Variants in FN1 observed in about 807,000 individuals in gnomAD.
The protein encoded by FN1 is fibronectin 1.
FN1 carries 106 observed loss-of-function variants against 297.3 expected under a neutral mutation model. The observed-to-expected ratio is 0.36, with a 90% confidence interval of 0.30 to 0.42. FN1 has a LOEUF of 0.42. Among genes scored for constraint, FN1 ranks in the 10% least tolerant of loss-of-function variants. The probability of loss-of-function intolerance (pLI) is 1.00; values close to 1 mark genes in which losing one functional copy is unlikely to be tolerated. For missense variants in FN1, 2,690 were observed against 3,124.9 expected, an observed-to-expected ratio of 0.86 and a Z score of 3.32; for synonymous variants, 1,149 against 1,152.6, an observed-to-expected ratio of 1.00 and a Z score of 0.06.
intron 27 of FN1, 46 bp from the exon 28 acceptor site, chr2:215,387,004 C>A: frequency 1.9e-6 from 3 of 1,552,466 alleles, no homozygotes; most frequent in Non-Finnish European, 2.6e-6. Context: ...AAAGAAAAGA[C>A]ACCACCAGTT....
Position 215,408,094 on chromosome 2 carries a change from G to C in FN1, c.2518+14C>G. The stretch of plus-strand genomic sequence containing the variant: ...GATTAACATAGCAGCCAAAGAGGGG[G>C]ACGCTTAGCTGACCTGTGATGGGAG... On this transcript the variant is annotated intron_variant, in intron 17 of 45. Coordinates refer to ENST00000354785, the MANE Select transcript of FN1 (RefSeq NM_212482.4). 1 of 1,605,396 alleles carries C rather than the reference G, an allele frequency of 6.2e-7. No individual in the cohort carries two copies. The highest frequency in any genetic ancestry group is 8.5e-7 in the Non-Finnish European group (1 of 1,172,132).
In FN1 at chr2:215,384,908, C is replaced by A; in HGVS notation, c.4681G>T (p.Ala1561Ser). ...TPTSLLISWD[A>S]PAVTVRYYRI... is the part of the protein sequence containing the mutation. ...TAATATCTCACTGTGACAGCAGGAG[C>A]ATCCCAGCTGATCAGTAGGCTGGTG... Residue 1561 changes from alanine to serine, a missense_variant, in exon 29 of 46, where the codon GCT (alanine) becomes TCT (serine). Physicochemically the swap from Ala to Ser is moderately conservative, Grantham distance 99. Around this residue, in one of 3 missense-constraint regions of FN1, gnomAD observed 1,743 missense variants for 1,945.2 expected, o/e 0.90. Coordinates refer to ENST00000354785, the MANE Select transcript of FN1 (RefSeq NM_212482.4). The A allele has an allele frequency of 6.2e-7, 1 of 1,613,768 alleles. No individual in the cohort carries two copies. Among genetic ancestry groups the A allele is most frequent in the Non-Finnish European group, 8.5e-7 (1 of 1,179,706 alleles).
At chr2:215,368,747 A>G (rs1208156912) in intron 41 of FN1, among the ~76,000 whole-genome samples, 2 of 152,336 alleles carry the variant, frequency 1.3e-5, no homozygotes, top group Middle Eastern at 3.4e-3. Context: ...TCCAAATAAG[A>G]AAATGCCCTT....
chr2:215,405,071 G>C (rs762431425), intron 19 of FN1, among the ~76,000 whole-genome samples: 1 of 152,130 alleles, frequency 6.6e-6, no homozygotes, highest in Non-Finnish European at 1.5e-5. Flanking sequence ...GCTCTCTATG[G>C]GTCAAAAGCA....
intron 12 of FN1, among the ~76,000 whole-genome samples, chr2:215,418,033 A>G (rs954556626): frequency 6.6e-6 from 1 of 152,174 alleles, no homozygotes; most frequent in African/African-American, 2.4e-5. Flanking sequence ...CCATTCATAT[A>G]CTTATAGTAC....
Position 215,424,218 on chromosome 2 carries a change from C to T in FN1, c.1144G>A (p.Gly382Arg), listed in dbSNP as rs748011887. Reference protein sequence around the residue: ...YSCTTEGRQDGHLWCSTTSNY... With the variant: ...YSCTTEGRQDRHLWCSTTSNY... ...GAAGTTGTGCTGCACCAAAGATGTC[C>T]GTCCTGTCGCCCTTCTGTGGTGCAG... is the stretch of plus-strand genomic sequence containing the variant. Residue 382 changes from glycine (G) to arginine (R), a missense_variant, in exon 8 of 46, where the codon GGA (glycine) becomes AGA (arginine). Around this residue, in one of 3 missense-constraint regions of FN1, gnomAD observed 876 missense variants for 1,058.1 expected, o/e 0.83. Coordinates refer to ENST00000354785, the MANE Select transcript of FN1 (RefSeq NM_212482.4). 1.2e-6 allele frequency: 2 copies of T among 1,614,190 alleles called. No homozygotes were observed. The highest frequency in any genetic ancestry group is 1.1e-5 in the South Asian group (1 of 91,082).
intron 13 of FN1, among the ~76,000 whole-genome samples, chr2:215,413,042 T>A (rs2062904721): frequency 6.6e-6 from 1 of 152,212 alleles, no homozygotes; most frequent in Non-Finnish European, 1.5e-5. Flanking sequence ...TCAATGGAAT[T>A]ATTCCTCTTT....
intron 12 of FN1, among the ~76,000 whole-genome samples, chr2:215,417,819 A>G (rs2063660305): frequency 6.6e-6 from 1 of 152,194 alleles, no homozygotes; most frequent in Admixed American, 6.6e-5. Flanking sequence ...TTTTATCTCC[A>G]ACATGTCCAC....
At chr2:215,417,324 A>AT (rs1394441634) in intron 12 of FN1, among the ~76,000 whole-genome samples, 1 of 152,234 alleles carries the variant, frequency 6.6e-6, no homozygotes. Context: ...AGATAGTACA[A>AT]TGTCTACACT....
intron 10 of FN1, among the ~76,000 whole-genome samples, chr2:215,421,620 A>G (rs1275956910): frequency 1.3e-5 from 2 of 152,240 alleles, no homozygotes; most frequent in African/African-American, 2.4e-5. Context: ...ATACTTCCTC[A>G]TATTATATAG....
At chr2:215,398,432 C>CCAATAGTGT (rs746555743) in intron 21 of FN1, among the ~76,000 whole-genome samples, 14 of 152,168 alleles carry the variant, frequency 9.2e-5, no homozygotes, top group Non-Finnish European at 1.6e-4. Context: ...ACACTGTTAT[C>CCAATAGTGT]CAATAGTGTT....
rs778428302 is a variant in FN1, at chr2:215,433,477, A to T, written c.278-16T>A. Reference sequence around the variant, plus strand: ...GTCTCTTCAGCTGAGGGGAAAAGGAAAGTCCATGTGAGCCTCACTTAGGTA... The same window carrying T: ...GTCTCTTCAGCTGAGGGGAAAAGGATAGTCCATGTGAGCCTCACTTAGGTA... On this transcript the variant is annotated splice_polypyrimidine_tract_variant and intron_variant, in intron 2 of 45. Coordinates refer to ENST00000354785, the MANE Select transcript of FN1 (RefSeq NM_212482.4). 6.2e-7 allele frequency: 1 copy of T among 1,612,696 alleles called. No homozygotes were observed. Among genetic ancestry groups the T allele is most frequent in the East Asian group, 2.2e-5 (1 of 44,850 alleles).
In FN1 at chr2:215,415,283, C is replaced by T. The variant is rs17457391; in HGVS notation, c.1820-325G>A. ...TAAGAATTGTGAGAAAATTGTGAAA[C>T]GATCCTACAAAAATAATGTAATACA... On this transcript the variant is annotated intron_variant, in intron 12 of 45. Coordinates refer to ENST00000354785, the MANE Select transcript of FN1 (RefSeq NM_212482.4). Among the ~76,000 whole-genome samples, 6,532 of 152,126 alleles carry T rather than the reference C, an allele frequency of 0.043. 221 individuals are homozygous for T. Among genetic ancestry groups the T allele is most frequent in the South Asian group, 0.11 (532 of 4,824 alleles).
Position 215,427,174 on chromosome 2 carries a change from C to T in FN1, c.844+1006G>A, listed in dbSNP as rs536804196. On this transcript the variant is annotated intron_variant, in intron 6 of 45. Coordinates refer to ENST00000354785, the MANE Select transcript of FN1 (RefSeq NM_212482.4). ...ACAGGCGTGAGCCACCGCGCGTGGC[C>T]GATGTTTATAATTTTTTTTGGCCAG... Among the ~76,000 whole-genome samples, 6 of 151,982 alleles carry T rather than the reference C, an allele frequency of 3.9e-5. No individual in the cohort carries two copies. The South Asian group carries it at 1.3e-3, about 32-fold the overall frequency.
intron 12 of FN1, among the ~76,000 whole-genome samples, chr2:215,416,277 A>C (rs2063418450): frequency 6.6e-6 from 1 of 152,164 alleles, no homozygotes; most frequent in Non-Finnish European, 1.5e-5. Flanking sequence ...ACATATTTCC[A>C]AGCCACATGA....
intron 33 of FN1, 32 bp from the exon 34 acceptor site, chr2:215,379,349 T>G (rs772638128): frequency 6.3e-7 from 1 of 1,591,970 alleles, no homozygotes; most frequent in Admixed American, 1.7e-5. Flanking sequence ...AGAGGTTATC[T>G]TATAGGAAAT....
chr2:215,371,059 G>A (rs756955084), intron 40 of FN1, among the ~76,000 whole-genome samples: 14 of 152,182 alleles, frequency 9.2e-5, no homozygotes, highest in Non-Finnish European at 1.9e-4. Flanking sequence ...CACGAGGTCA[G>A]GAGATCGAGA....
chr2:215,405,744 A>G (rs1452465342), intron 19 of FN1, among the ~76,000 whole-genome samples: 1 of 152,066 alleles, frequency 6.6e-6, no homozygotes, highest in African/African-American at 2.4e-5. Context: ...CTCCATCTCA[A>G]AAAAATAAAT....
chr2:215,431,482 A>C (rs2066499759), intron 4 of FN1, among the ~76,000 whole-genome samples: 1 of 151,820 alleles, frequency 6.6e-6, no homozygotes, highest in South Asian at 2.1e-4. Context: ...TTCCATATAG[A>C]AATGTGTCCA....
Sources: gnomAD v4.1 joint callset for allele counts (sites outside exome capture counted in the v4.1 genomes callset) on GRCh38, gnomAD v4.1.1 for gene constraint, gnomAD v4.1.1 regional missense constraint, MANE v1.5 for transcripts, NCBI Gene and HGNC (gene_info 2026-07-23, HGNC 2026-07-21) for gene names.